The following ABCF1 variants were observed in gnomAD, a reference collection of about 807,000 sequenced individuals.
ABCF1 encodes ATP binding cassette subfamily F member 1.
ABCF1 carries 73 observed loss-of-function variants against 126.3 expected under a neutral mutation model. The ratio of observed to expected loss-of-function variants is 0.58; its 90% CI spans 0.48 to 0.70. The LOEUF is 0.70. Among genes scored for constraint, ABCF1 ranks in the 30% least tolerant of loss-of-function variants. ABCF1 has a pLI of 0.00. For synonymous variants in ABCF1, 345 were observed against 396.4 expected, an observed-to-expected ratio of 0.87 and a Z score of 1.54; for missense variants, 786 against 1,057.5, an observed-to-expected ratio of 0.74 and a Z score of 3.56.
Position 30,584,549 on chromosome 6 carries a change from G to C in ABCF1, c.1374G>C (p.Met458Ile). Residue 458 changes from methionine to isoleucine, a missense_variant, in exon 14 of 25, where the codon ATG becomes ATC. Met to Ile is a conservative substitution (Grantham distance 10). Transcript: ENST00000326195. The surrounding 1 kb of genome is among the most constrained non-coding windows in gnomAD (Gnocchi z 4.6). Reference protein sequence around the residue: ...PTQKFSGGWRMRVSLARALFM... With the variant: ...PTQKFSGGWRIRVSLARALFM... ...AGAAGTTCTCAGGGGGCTGGCGCAT[G>C]CGTGTCTCCCTGGCCAGGTGGGCCA... is the stretch of plus-strand genomic sequence containing the variant. 1 of 1,605,154 alleles carries C rather than the reference G, an allele frequency of 6.2e-7. No homozygotes were observed. The highest frequency in any genetic ancestry group is 1.3e-5 in the African/African-American group (1 of 74,976).
intron 14 of ABCF1, 91 bp from the exon 15 acceptor site, chr6:30,585,169 G>A (rs1287802354): frequency 2.3e-5 from 26 of 1,148,696 alleles, no homozygotes; most frequent in Non-Finnish European, 3.2e-5. Flanking sequence ...GAGTGTTCAT[G>A]GTCTCAGGCT....
rs1801968241 is a variant in ABCF1, at chr6:30,583,951, C to A, written c.1102+61C>A. On this transcript the variant is annotated intron_variant, in intron 12 of 24. Coordinates refer to ENST00000326195, the MANE Select transcript of ABCF1 (RefSeq NM_001025091.2). This position sits in a 1 kb window ranked among gnomAD's most constrained non-coding sequence, Gnocchi z 4.1. ...TGGGCAGTTGGGTAGAAAAGCCAGC[C>A]AGCCAAGAATAGAAGAAATTGTGGC... 5 of 1,569,714 alleles carry A rather than the reference C, an allele frequency of 3.2e-6. No individual in the cohort carries two copies. The highest frequency in any genetic ancestry group is 4.4e-6 in the Non-Finnish European group (5 of 1,143,098).
In ABCF1 at chr6:30,586,117, T is replaced by G; in HGVS notation, c.1714-17T>G. The stretch of plus-strand genomic sequence containing the variant: ...CGCGCAGGGCTCAGGTTTCTCTTTT[T>G]TCCTCTTCCTCTCCAGGAAAAACAA... On this transcript the variant is annotated splice_polypyrimidine_tract_variant and intron_variant, in intron 17 of 24. Transcript: ENST00000326195. The surrounding 1 kb of genome is among the most constrained non-coding windows in gnomAD (Gnocchi z 4.9). The G allele has an allele frequency of 1.9e-6, 3 of 1,608,160 alleles. No homozygotes were observed. The highest frequency in any genetic ancestry group is 2.5e-6 in the Non-Finnish European group (3 of 1,178,020).
rs199910093 is a variant in ABCF1, at chr6:30,578,120, T to A, written c.261T>A (p.Asp87Glu). 1.2e-5 allele frequency: 20 copies of A among 1,612,406 alleles called. No individual in the cohort carries two copies. Among genetic ancestry groups the A allele is most frequent in the Non-Finnish European group, 1.7e-5 (20 of 1,179,744 alleles). ...RDTRKGRRKK[D>E]VDDDGEEKEL... ...CCCGAAAAGGCAGGCGGAAGAAGGA[T>A]GTGGATGATGATGGAGAAGAGAAAG... The change falls in exon 4 of 25, where the codon GAT becomes GAA. Residue 87 changes from aspartate to glutamate, a missense_variant. Around this residue, in one of 4 missense-constraint regions of ABCF1, gnomAD observed 322 missense variants for 322.9 expected, o/e 1.00. Coordinates refer to ENST00000326195, the MANE Select transcript of ABCF1 (RefSeq NM_001025091.2).
At chr6:30,573,697 T>C (rs1801363293) in intron 1 of ABCF1, among the ~76,000 whole-genome samples, 1 of 152,084 alleles carries the variant, frequency 6.6e-6, no homozygotes, top group Non-Finnish European at 1.5e-5. Flanking sequence ...GGTGTGGAGG[T>C]AGGCAGCATG....
rs554016041 is a variant in ABCF1 at position 30,589,936 on chromosome 6, A to G, written c.2195A>G (p.Glu732Gly). Reference protein sequence around the residue: ...ARKCLGRFGLESHAHTIQICK... With the variant: ...ARKCLGRFGLGSHAHTIQICK... ...AAGTGCCTGGGCCGCTTCGGCCTGG[A>G]GAGTCACGCCCACACCATCCAGATC... Residue 732 changes from glutamate to glycine, a missense_variant, in exon 22 of 25, where the codon GAG (glutamate) becomes GGG (glycine). Around this residue, in one of 4 missense-constraint regions of ABCF1, gnomAD observed 288 missense variants for 423.5 expected, o/e 0.68. Transcript: ENST00000326195. The G allele has an allele frequency of 6.2e-7, 1 of 1,613,884 alleles. No homozygotes were observed. The highest frequency in any genetic ancestry group is 2.2e-5 in the East Asian group (1 of 44,880).
rs371933499 is a variant in ABCF1, at chr6:30,579,911, T to C, written c.490-20T>C. 12 of 1,610,896 alleles carry C rather than the reference T, an allele frequency of 7.4e-6. No individual in the cohort carries two copies. In the African/African-American group the frequency reaches 1.6e-4, roughly 22 times the overall value. ...ATAATTTGTATGTATGTGTGTAATG[T>C]GTATGTGTGTCTCCTCCAGGCCGTA... On this transcript the variant is annotated intron_variant, in intron 6 of 24. Coordinates refer to ENST00000326195, the MANE Select transcript of ABCF1 (RefSeq NM_001025091.2).
Position 30,586,085 on chromosome 6 carries a change from G to A in ABCF1, c.1714-49G>A. Reference sequence around the variant, plus strand: ...TCTGGAACGCTGGCCTACATTTCAAGGACTGCCGCGCAGGGCTCAGGTTTC... The same window carrying A: ...TCTGGAACGCTGGCCTACATTTCAAAGACTGCCGCGCAGGGCTCAGGTTTC... On this transcript the variant is annotated intron_variant, in intron 17 of 24. Transcript: ENST00000326195. This position sits in a 1 kb window ranked among gnomAD's most constrained non-coding sequence, Gnocchi z 4.9. 6.3e-7 allele frequency: 1 copy of A among 1,597,370 alleles called. No homozygotes were observed. The highest frequency in any genetic ancestry group is 1.1e-5 in the South Asian group (1 of 89,116).
intron 1 of ABCF1, among the ~76,000 whole-genome samples, chr6:30,572,004 TTTC>T (rs1462562205): frequency 6.6e-6 from 1 of 152,154 alleles, no homozygotes; most frequent in Non-Finnish European, 1.5e-5. Context: ...TCATGGTTTC[TTTC>T]TTAAGACACC....
In ABCF1 at chr6:30,582,577, G is replaced by C. The variant is rs145239468; in HGVS notation, c.792+70G>C. 1.5e-3 allele frequency: 2,229 copies of C among 1,525,140 alleles called. 22 individuals are homozygous for C. The African/African-American group carries it at 0.026, about 18-fold the overall frequency. 94.5% of individuals were successfully genotyped at this position (1,525,140 alleles called of 1,614,324 possible). A position where few individuals can be genotyped will look rare whatever the true frequency, so the allele number is the denominator to read the frequency against. ...TACTTCAACTAGGGGACATGCGATT[G>C]GGGACACGAAGGAAAGGTTTGGGGG... is the stretch of plus-strand genomic sequence containing the variant. On this transcript the variant is annotated intron_variant, in intron 9 of 24. Coordinates refer to ENST00000326195, the MANE Select transcript of ABCF1 (RefSeq NM_001025091.2).
In ABCF1 at chr6:30,578,108, G is replaced by T. The variant is rs1801601997; in HGVS notation, c.249G>T (p.Arg83Ser). Reference protein sequence around the residue: ...QKKKRDTRKGRRKKDVDDDGE... With the variant: ...QKKKRDTRKGSRKKDVDDDGE... ...AAAAGCGAGATACCCGAAAAGGCAGGCGGAAGAAGGATGTGGATGATGATG... is the reference window on the plus strand; with the variant it reads ...AAAAGCGAGATACCCGAAAAGGCAGTCGGAAGAAGGATGTGGATGATGATG... The change falls in exon 4 of 25, where the codon AGG (arginine) becomes AGT (serine). Residue 83 changes from arginine (R) to serine (S), a missense_variant. Physicochemically the swap from Arg to Ser is moderately radical, Grantham distance 110. Coordinates refer to ENST00000326195, the MANE Select transcript of ABCF1 (RefSeq NM_001025091.2). The T allele has an allele frequency of 6.2e-7, 1 of 1,614,028 alleles. No homozygotes were observed. Among genetic ancestry groups the T allele is most frequent in the Non-Finnish European group, 8.5e-7 (1 of 1,180,028 alleles).
Position 30,586,820 on chromosome 6 carries a change from A to T in ABCF1, c.2031+109A>T, listed in dbSNP as rs1802161584. On this transcript the variant is annotated intron_variant, in intron 20 of 24. Coordinates refer to ENST00000326195, the MANE Select transcript of ABCF1 (RefSeq NM_001025091.2). This position sits in a 1 kb window ranked among gnomAD's most constrained non-coding sequence, Gnocchi z 4.9. ...TCGAGAATGTAGAGTTAAATACAGA[A>T]CTCATGATAGATGATTCATTTCCCT... The T allele has an allele frequency of 8.4e-7, 1 of 1,191,216 alleles. No individual in the cohort carries two copies. Among genetic ancestry groups the T allele is most frequent in the Non-Finnish European group, 1.2e-6 (1 of 825,690 alleles). The allele number at this position is 1,191,216 out of a possible 1,614,324, so 73.8% of individuals were successfully genotyped here.
chr6:30,571,688 G>A (rs1020917112), intron 1 of ABCF1, 128 bp downstream of exon 1: 6 of 1,045,722 alleles, frequency 5.7e-6, no homozygotes, highest in East Asian at 2.7e-5. Context: ...CATGCGTGCC[G>A]TGGGCCCGGG....
In ABCF1 at chr6:30,582,380, C is replaced by G. The variant is rs759104723; in HGVS notation, c.679-14C>G. ...CAGGAGTCCCTAGTTTTGACCATCC[C>G]CGGGTTCTCACAGGGTTCAGAGGAA... On this transcript the variant is annotated splice_polypyrimidine_tract_variant and intron_variant, in intron 8 of 24. Coordinates refer to ENST00000326195, the MANE Select transcript of ABCF1 (RefSeq NM_001025091.2). The G allele has an allele frequency of 2.6e-6, 4 of 1,560,980 alleles. No individual in the cohort carries two copies. Among genetic ancestry groups the G allele is most frequent in the Non-Finnish European group, 3.5e-6 (4 of 1,137,422 alleles).
At position 30,583,299 on chromosome 6, in the gene ABCF1, A is replaced by G. The variant is rs1801926739; in HGVS notation, c.915+111A>G. Reference sequence around the variant, plus strand: ...ATGGGTTAGTTCAGTGGGAAGAAAGATTGGAGGCATTTTCCACACCTTAGG... The same window carrying G: ...ATGGGTTAGTTCAGTGGGAAGAAAGGTTGGAGGCATTTTCCACACCTTAGG... On this transcript the variant is annotated intron_variant, in intron 10 of 24. Coordinates refer to ENST00000326195, the MANE Select transcript of ABCF1 (RefSeq NM_001025091.2). This position sits in a 1 kb window ranked among gnomAD's most constrained non-coding sequence, Gnocchi z 4.1. 4 of 1,419,606 alleles carry G rather than the reference A, an allele frequency of 2.8e-6. No individual in the cohort carries two copies. The Admixed American group carries it at 9.1e-5, about 32-fold the overall frequency. 87.9% of individuals were successfully genotyped at this position (1,419,606 alleles called of 1,614,324 possible). A position where few individuals can be genotyped will look rare whatever the true frequency, so the allele number is the denominator to read the frequency against.
At position 30,584,392 on chromosome 6, in the gene ABCF1, G is replaced by A. The variant is rs772925584; in HGVS notation, c.1243-26G>A. On this transcript the variant is annotated intron_variant, in intron 13 of 24. Coordinates refer to ENST00000326195, the MANE Select transcript of ABCF1 (RefSeq NM_001025091.2). This position sits in a 1 kb window ranked among gnomAD's most constrained non-coding sequence, Gnocchi z 4.6. ...TTGGGGGTTCCTGGGACCCTCAGAC[G>A]TGTGTCCTCTTCTCCCTCCTCCCAG... 1.3e-5 allele frequency: 21 copies of A among 1,613,094 alleles called. No homozygotes were observed. The highest frequency in any genetic ancestry group is 7.7e-5 in the South Asian group (7 of 91,086).
At position 30,584,555 on chromosome 6, in the gene ABCF1, C is replaced by G; in HGVS notation, c.1380C>G (p.Val460=). The change falls in exon 14 of 25, where the codon GTC becomes GTG. Residue 460 remains valine (V), a synonymous_variant. Coordinates refer to ENST00000326195, the MANE Select transcript of ABCF1 (RefSeq NM_001025091.2). This position sits in a 1 kb window ranked among gnomAD's most constrained non-coding sequence, Gnocchi z 4.6. ...QKFSGGWRMR[V]SLARALFMEP... ...TCTCAGGGGGCTGGCGCATGCGTGT[C>G]TCCCTGGCCAGGTGGGCCATTCACC... The G allele has an allele frequency of 6.3e-7, 1 of 1,599,674 alleles. No individual in the cohort carries two copies. Among genetic ancestry groups the G allele is most frequent in the Non-Finnish European group, 8.5e-7 (1 of 1,172,030 alleles).
chr6:30,583,469 G>C lies in ABCF1; in HGVS notation c.916-139G>C. 1.0e-6 allele frequency: 1 copy of C among 969,636 alleles called. No homozygotes were observed. Among genetic ancestry groups the C allele is most frequent in the Admixed American group, 2.0e-5 (1 of 49,452 alleles). 60.1% of individuals were successfully genotyped at this position (969,636 alleles called of 1,614,324 possible). ...CGAACAGGGCGGGGACCGGCTGTGGGGAGAGGAAGGGGATTATGCTGGAGG... is the reference window on the plus strand; with the variant it reads ...CGAACAGGGCGGGGACCGGCTGTGGCGAGAGGAAGGGGATTATGCTGGAGG... On this transcript the variant is annotated intron_variant, in intron 10 of 24. Coordinates refer to ENST00000326195, the MANE Select transcript of ABCF1 (RefSeq NM_001025091.2). The surrounding 1 kb of genome is among the most constrained non-coding windows in gnomAD (Gnocchi z 4.1).
At chr6:30,580,128 C>G in intron 7 of ABCF1, 123 bp downstream of exon 7, 1 of 922,698 alleles carries the variant, frequency 1.1e-6, no homozygotes, top group Non-Finnish European at 1.6e-6. Context: ...GGGCGGATCA[C>G]GAGGTCAGGA....
Sources: allele counts gnomAD v4.1 joint callset (sites outside exome capture counted in the v4.1 genomes callset), GRCh38; gene constraint gnomAD v4.1.1; regional missense constraint gnomAD v4.1.1; non-coding constraint Gnocchi (gnomAD v3.1); transcripts MANE v1.5; gene names NCBI Gene and HGNC (gene_info 2026-07-23, HGNC 2026-07-21).